The following CSMD1 variants were observed in gnomAD, a reference collection of about 807,000 sequenced individuals.
The protein encoded by CSMD1 is CUB and sushi domain-containing protein 1.
A neutral mutation model predicts 417.5 loss-of-function variants in CSMD1; 213 were observed. That is an observed-to-expected ratio of 0.51 (90% confidence interval 0.46 to 0.57). CSMD1 has a LOEUF of 0.57. CSMD1 is among the 20% of genes least tolerant of loss of function. The pLI, the probability that CSMD1 is intolerant of heterozygous loss-of-function variation, is 0.00. For synonymous variants in CSMD1, 2,862 were observed against 1,736.8 expected (o/e 1.65, Z -16.11); for missense variants, 6,923 against 4,529.7 (o/e 1.53, Z -15.17).
chr8:3,838,535 G>T (rs143269004), intron 5 of CSMD1, among the ~76,000 whole-genome samples: 8 of 130,236 alleles, frequency 6.1e-5, no homozygotes, highest in Admixed American at 1.6e-4. Flanking sequence ...TATATATATA[G>T]TCTATATATG....
chr8:3,634,718 C>T (rs937181266), intron 7 of CSMD1, among the ~76,000 whole-genome samples: 1 of 152,196 alleles, frequency 6.6e-6, no homozygotes, highest in African/African-American at 2.4e-5. Context: ...GCTGCCTACT[C>T]AGCCTTTCTG....
At chr8:3,930,977 G>A (rs1371985874) in intron 5 of CSMD1, among the ~76,000 whole-genome samples, 1 of 150,410 alleles carries the variant, frequency 6.6e-6, no homozygotes, top group Non-Finnish European at 1.5e-5. Context: ...AACGCCCTGT[G>A]GAATATCATC....
chr8:4,857,059 A>G (rs1454793374), intron 1 of CSMD1, among the ~76,000 whole-genome samples: 1 of 149,060 alleles, frequency 6.7e-6, no homozygotes, highest in African/African-American at 2.5e-5. Context: ...AAATTATAAC[A>G]AACTATCTCT....
intron 1 of CSMD1, among the ~76,000 whole-genome samples, chr8:4,830,668 T>C (rs896032345): frequency 1.3e-5 from 2 of 152,212 alleles, no homozygotes; most frequent in Non-Finnish European, 2.9e-5. Flanking sequence ...AAAAATCCAC[T>C]TAATGCATGC....
chr8:3,752,026 A>G (rs1232950602), intron 6 of CSMD1, among the ~76,000 whole-genome samples: 2 of 152,160 alleles, frequency 1.3e-5, no homozygotes, highest in South Asian at 2.1e-4. Flanking sequence ...GAAAGTGCAG[A>G]CAGAATTTCT....
At chr8:3,566,284 G>A (rs562094900) in intron 10 of CSMD1, among the ~76,000 whole-genome samples, 40 of 152,094 alleles carry the variant, frequency 2.6e-4, no homozygotes, top group Non-Finnish European at 4.0e-4. Flanking sequence ...ACAAGAAGGT[G>A]GAGGACTTAG....
intron 49 of CSMD1, among the ~76,000 whole-genome samples, chr8:3,071,860 A>C (rs1813345743): frequency 6.6e-6 from 1 of 152,180 alleles, no homozygotes; most frequent in African/African-American, 2.4e-5. Context: ...TGAAGGCAGC[A>C]TCTATCACAG....
intron 2 of CSMD1, among the ~76,000 whole-genome samples, chr8:4,550,813 C>G (rs1393939459): frequency 1.3e-5 from 2 of 152,186 alleles, no homozygotes; most frequent in Non-Finnish European, 2.9e-5. Flanking sequence ...CAAACCACCA[C>G]CAATTGGTCC....
At chr8:4,981,079 T>C (rs915718548) in intron 1 of CSMD1, among the ~76,000 whole-genome samples, 1 of 152,186 alleles carries the variant, frequency 6.6e-6, no homozygotes, top group Non-Finnish European at 1.5e-5. Flanking sequence ...GATGCGTGCA[T>C]CTTTGCAGAT....
chr8:2,993,574 CT>C (rs953542777), intron 54 of CSMD1, among the ~76,000 whole-genome samples: 1 of 152,096 alleles, frequency 6.6e-6, no homozygotes, highest in Non-Finnish European at 1.5e-5. Flanking sequence ...AAGGATCCAT[CT>C]TTTTTTCATC....
chr8:4,893,507 A>G (rs1804268854), intron 1 of CSMD1, among the ~76,000 whole-genome samples: 1 of 152,130 alleles, frequency 6.6e-6, no homozygotes, highest in African/African-American at 2.4e-5. Flanking sequence ...AAAAATGCAC[A>G]TTTTAATTTA....
At chr8:3,348,898 G>A (rs778812049) in intron 21 of CSMD1, among the ~76,000 whole-genome samples, 4 of 152,196 alleles carry the variant, frequency 2.6e-5, no homozygotes, top group Admixed American at 1.3e-4. Context: ...GTCTCACAGT[G>A]AAAGTGAACA....
intron 3 of CSMD1, among the ~76,000 whole-genome samples, chr8:4,335,577 AG>A (rs1800117461): frequency 6.6e-6 from 1 of 152,156 alleles, no homozygotes; most frequent in Admixed American, 6.6e-5. Context: ...TATCAGTCTT[AG>A]CTAACTTTTC....
At chr8:4,734,492 AT>A (rs1230017655) in intron 1 of CSMD1, among the ~76,000 whole-genome samples, 2 of 152,154 alleles carry the variant, frequency 1.3e-5, no homozygotes, top group African/African-American at 4.8e-5. Context: ...AAGCTCTAAG[AT>A]TTTTTTATTT....
chr8:3,603,591 T>C (rs1801466527), intron 8 of CSMD1, among the ~76,000 whole-genome samples: 1 of 152,212 alleles, frequency 6.6e-6, no homozygotes, highest in Admixed American at 6.5e-5. Flanking sequence ...AGACAGTTCT[T>C]TGTCTTCCAC....
intron 36 of CSMD1, among the ~76,000 whole-genome samples, chr8:3,184,746 G>T (rs571853852): frequency 1.3e-5 from 2 of 152,166 alleles, no homozygotes; most frequent in Non-Finnish European, 1.5e-5. Flanking sequence ...TACCATGGCT[G>T]GGAATTCCTT....
At chr8:4,337,555 G>A (rs564667781) in intron 3 of CSMD1, among the ~76,000 whole-genome samples, 2 of 152,210 alleles carry the variant, frequency 1.3e-5, no homozygotes, top group African/African-American at 4.8e-5. Context: ...ACTCAGCGAT[G>A]AAGTACATGT....
At chr8:4,556,870 A>G (rs1428948833) in intron 2 of CSMD1, among the ~76,000 whole-genome samples, 1 of 152,230 alleles carries the variant, frequency 6.6e-6, no homozygotes, top group African/African-American at 2.4e-5. Flanking sequence ...GTATAATGCA[A>G]TGATTCCAAA....
At position 4,602,300 on chromosome 8, in the gene CSMD1, A is replaced by G. The variant is rs77620953; in HGVS notation, c.302+35042T>C. Among the ~76,000 whole-genome samples the G allele has an allele frequency of 2.9e-3, 441 of 152,322 alleles. 2 individuals carry two copies. The highest frequency in any genetic ancestry group is 0.01 in the African/African-American group (429 of 41,580). On this transcript the variant is annotated intron_variant, in intron 2 of 69. Coordinates refer to ENST00000635120, the MANE Select transcript of CSMD1 (RefSeq NM_033225.6). Reference sequence around the variant, plus strand: ...AGAGGAAGAAAGGGGCCCTGCACAAATAAGGCACTTCAGAGGTCCGAAGCC... The same window carrying G: ...AGAGGAAGAAAGGGGCCCTGCACAAGTAAGGCACTTCAGAGGTCCGAAGCC...
Sources: allele counts gnomAD v4.1 joint callset (sites outside exome capture counted in the v4.1 genomes callset), GRCh38; gene constraint gnomAD v4.1.1; transcripts MANE v1.5; gene names NCBI Gene and HGNC (gene_info 2026-07-23, HGNC 2026-07-21).